The following ITSN2 variants were observed in gnomAD, a reference collection of about 807,000 sequenced individuals.
ITSN2 encodes the protein intersectin-2.
In ITSN2, 156 loss-of-function variants were observed where a neutral mutation model predicts 243.7. The observed-to-expected ratio is 0.64, with a 90% CI of 0.56 to 0.73. The LOEUF (loss-of-function observed/expected upper bound fraction) is 0.73, where lower values mean the gene tolerates loss of function less well. ITSN2 is among the 30% of genes least tolerant of loss of function. The pLI, the probability that ITSN2 is intolerant of heterozygous loss-of-function variation, is 0.00. For missense variants in ITSN2, 1,801 were observed against 1,996.1 expected (o/e 0.90, Z 1.86); for synonymous variants, 703 against 699.9 (o/e 1.00, Z -0.07).
At chr2:24,346,828 A>C (rs1031229929) in intron 1 of ITSN2, among the ~76,000 whole-genome samples, 1 of 152,014 alleles carries the variant, frequency 6.6e-6, no homozygotes, top group African/African-American at 2.4e-5. Context: ...CATTAAAAAC[A>C]AAATACCCAC....
At chr2:24,357,668 CATAA>C (rs1372237412) in intron 1 of ITSN2, among the ~76,000 whole-genome samples, 1 of 151,596 alleles carries the variant, frequency 6.6e-6, no homozygotes, top group Non-Finnish European at 1.5e-5. Flanking sequence ...AAATTTTTTC[CATAA>C]ATAAAAAAGG....
At chr2:24,328,707 C>G (rs1481410076) in intron 1 of ITSN2, among the ~76,000 whole-genome samples, 1 of 152,182 alleles carries the variant, frequency 6.6e-6, no homozygotes, top group African/African-American at 2.4e-5. Context: ...AAGTGACCTG[C>G]CCACGTCAGC....
chr2:24,276,445 G>A (rs1403198625), intron 17 of ITSN2, among the ~76,000 whole-genome samples: 1 of 152,140 alleles, frequency 6.6e-6, no homozygotes, highest in Non-Finnish European at 1.5e-5. Flanking sequence ...CGTTCCAAGA[G>A]GATCCAATAC....
In ITSN2 at chr2:24,204,537, A is replaced by G; in HGVS notation, c.4763-119T>C. ...ATGGGTCACTCGAGACCATGGCAGC[A>G]GGAGCCGCTGCCTGGGGCACCATAT... On this transcript the variant is annotated intron_variant, in intron 38 of 39. Transcript: ENST00000355123. The surrounding 1 kb of genome is among the most constrained non-coding windows in gnomAD (Gnocchi z 5.1). 1.1e-6 allele frequency: 1 copy of G among 894,674 alleles called. No homozygotes were observed. The highest frequency in any genetic ancestry group is 1.9e-6 in the Non-Finnish European group (1 of 538,528). 55.4% of individuals were successfully genotyped at this position (894,674 alleles called of 1,614,324 possible). A position where few individuals can be genotyped will look rare whatever the true frequency, so the allele number is the denominator to read the frequency against.
chr2:24,226,109 T>G (rs1671005717), intron 29 of ITSN2, among the ~76,000 whole-genome samples: 1 of 152,240 alleles, frequency 6.6e-6, no homozygotes, highest in Admixed American at 6.5e-5. Flanking sequence ...GGACTGTGTC[T>G]AACACATTTC....
At chr2:24,208,169 G>T in intron 37 of ITSN2, 68 bp downstream of exon 37, 1 of 1,293,674 alleles carries the variant, frequency 7.7e-7, no homozygotes, top group Non-Finnish European at 1.1e-6. Flanking sequence ...CAGCCTGACT[G>T]CAGGAGCAGT....
chr2:24,346,543 G>A (rs1687550077), intron 1 of ITSN2, among the ~76,000 whole-genome samples: 2 of 151,874 alleles, frequency 1.3e-5, no homozygotes, highest in African/African-American at 4.8e-5. Flanking sequence ...TAAAAACTAA[G>A]GAAACTGAAA....
chr2:24,311,062 T>C (rs1056395312), intron 5 of ITSN2, among the ~76,000 whole-genome samples: 1 of 147,884 alleles, frequency 6.8e-6, no homozygotes, highest in African/African-American at 2.5e-5. Context: ...ACTTGACTAA[T>C]ACACACACAC....
intron 1 of ITSN2, among the ~76,000 whole-genome samples, chr2:24,337,832 CCA>C (rs1686629109): frequency 6.6e-6 from 1 of 152,016 alleles, no homozygotes; most frequent in South Asian, 2.1e-4. Flanking sequence ...AGTGTCTCTG[CCA>C]CTCCCAGCAT....
At chr2:24,339,858 C>T (rs1378262725) in intron 1 of ITSN2, among the ~76,000 whole-genome samples, 1 of 151,978 alleles carries the variant, frequency 6.6e-6, no homozygotes, top group Non-Finnish European at 1.5e-5. Flanking sequence ...GAGACTCTTT[C>T]TCTACAAAAA....
rs3731625 is a variant in ITSN2 at position 24,216,179 on chromosome 2, A to G, written c.3860T>C (p.Ile1287Thr). Residue 1287 changes from isoleucine (I) to threonine (T), a missense_variant, in exon 32 of 40, where the codon ATT becomes ACT. Ile to Thr is a moderately conservative substitution (Grantham distance 89, BLOSUM62 -1). Coordinates refer to ENST00000355123, the MANE Select transcript of ITSN2 (RefSeq NM_006277.3). ...TGGEKMPVQM[I>T]GDILAAELSH... ...CAGCTCAGCGGCCAGGATGTCCCCA[A>G]TCATCTGCACCGGCATCTTCTCGCC... The G allele has an allele frequency of 0.078, 125,841 of 1,611,322 alleles. 5,106 individuals carry two copies. Among genetic ancestry groups the G allele is most frequent in the Middle Eastern group, 0.1 (619 of 6,032 alleles).
intron 19 of ITSN2, 74 bp downstream of exon 19, chr2:24,271,691 CT>C (rs1414716254): frequency 1.6e-5 from 23 of 1,412,854 alleles, no homozygotes; most frequent in African/African-American, 1.5e-4. Flanking sequence ...ATTTTCTTCC[CT>C]TTTTTTGTCT....
chr2:24,277,475 TACTGCTTTTATAGCAGAATTTCC>T (rs1402277360), intron 17 of ITSN2, among the ~76,000 whole-genome samples: 3 of 152,228 alleles, frequency 2.0e-5, no homozygotes, highest in Non-Finnish European at 4.4e-5. Context: ...TAGTAATGCA[TACTGCTTTTATAGCAGAATTTCC>T]ACAGCTCTCA....
Position 24,203,524 on chromosome 2 carries a change from G to C in ITSN2, c.*102C>G, listed in dbSNP as rs543651516. 3.4e-6 allele frequency: 4 copies of C among 1,181,080 alleles called. No individual in the cohort carries two copies. The African/African-American group carries it at 6.2e-5, about 18-fold the overall frequency. The allele number at this position is 1,181,080 out of a possible 1,614,324, so 73.2% of individuals were successfully genotyped here. ...CCCCAGCGTGCATGGCTTTGTGAGGGGTGAAGCTGCATGGTGCTCCCTCAG... is the reference window on the plus strand; with the variant it reads ...CCCCAGCGTGCATGGCTTTGTGAGGCGTGAAGCTGCATGGTGCTCCCTCAG... On this transcript the variant is annotated 3_prime_UTR_variant, in exon 40 of 40. Transcript: ENST00000355123.
At chr2:24,297,385 C>T (rs1169594675) in intron 13 of ITSN2, among the ~76,000 whole-genome samples, 1 of 152,166 alleles carries the variant, frequency 6.6e-6, no homozygotes, top group Non-Finnish European at 1.5e-5. Context: ...TCTCACCACA[C>T]ATTTCAAACA....
At chr2:24,274,269 C>T (rs1263379553) in intron 18 of ITSN2, among the ~76,000 whole-genome samples, 4 of 152,104 alleles carry the variant, frequency 2.6e-5, no homozygotes, top group Admixed American at 2.6e-4. Flanking sequence ...TAGGAGGCCA[C>T]AAAAACAGGG....
At chr2:24,254,548 AAT>A (rs1285481339) in intron 23 of ITSN2, 117 bp from the exon 24 acceptor site, 3 of 709,948 alleles carry the variant, frequency 4.2e-6, no homozygotes, top group Non-Finnish European at 7.4e-6. Context: ...TCTCAAATTA[AAT>A]ATAGTCTTAG....
Position 24,220,998 on chromosome 2 carries a change from C to T in ITSN2, c.3646G>A (p.Glu1216Lys). The T allele has an allele frequency of 6.2e-7, 1 of 1,610,394 alleles. No individual in the cohort carries two copies. Among genetic ancestry groups the T allele is most frequent in the Non-Finnish European group, 8.5e-7 (1 of 1,178,678 alleles). ...IERKRQGYIH[E>K]LIQTEERYMA... ...TACCGCTCTTCGGTCTGAATCAGCT[C>T]ATGAATATAGCCCTGTCTTTTCCTC... Residue 1216 changes from glutamate to lysine, a missense_variant, in exon 30 of 40, where the codon GAG (glutamate) becomes AAG (lysine). Glu to Lys is a moderately conservative substitution (Grantham distance 56). Around this residue, in one of 5 missense-constraint regions of ITSN2, gnomAD observed 928 missense variants for 1,065.4 expected, o/e 0.87. Coordinates refer to ENST00000355123, the MANE Select transcript of ITSN2 (RefSeq NM_006277.3).
intron 2 of ITSN2, among the ~76,000 whole-genome samples, chr2:24,324,228 T>A (rs1372813254): frequency 2.6e-5 from 4 of 151,978 alleles, no homozygotes; most frequent in African/African-American, 9.7e-5. Flanking sequence ...CGAGACTCCG[T>A]CTCAAAAAAA....
Sources: allele counts gnomAD v4.1 joint callset (sites outside exome capture counted in the v4.1 genomes callset), GRCh38; gene constraint gnomAD v4.1.1; regional missense constraint gnomAD v4.1.1; non-coding constraint Gnocchi (gnomAD v3.1); transcripts MANE v1.5; gene names NCBI Gene and HGNC (gene_info 2026-07-23, HGNC 2026-07-21).